Variants in DCTD observed in about 807,000 individuals in gnomAD.
The protein encoded by DCTD is deoxycytidylate deaminase.
Under a neutral mutation model 21.0 loss-of-function variants are expected in DCTD, and 23 were observed. The observed-to-expected ratio is 1.09, with a 90% confidence interval of 0.79 to 1.55. The LOEUF (loss-of-function observed/expected upper bound fraction) is 1.55, where lower values mean the gene tolerates loss of function less well. Among genes scored for constraint, DCTD ranks in the 40% most tolerant of loss-of-function variants. DCTD has a pLI of 0.00. For missense variants in DCTD, 224 were observed against 230.0 expected (o/e 0.97, Z 0.17); for synonymous variants, 71 against 81.1 (o/e 0.88, Z 0.67).
intron 3 of DCTD, among the ~76,000 whole-genome samples, chr4:182,909,067 C>T (rs1444014305): frequency 6.6e-6 from 1 of 152,118 alleles, no homozygotes; most frequent in Non-Finnish European, 1.5e-5. Flanking sequence ...CTCTTCAAAA[C>T]AAGGAGTTAT....
intron 3 of DCTD, among the ~76,000 whole-genome samples, chr4:182,895,265 C>T (rs1292978488): frequency 6.6e-6 from 1 of 152,172 alleles, no homozygotes; most frequent in Admixed American, 6.5e-5. Flanking sequence ...GAGATGGAGT[C>T]TCACTATGTT....
intron 3 of DCTD, among the ~76,000 whole-genome samples, chr4:182,902,480 C>G (rs1735911145): frequency 6.6e-6 from 1 of 152,180 alleles, no homozygotes; most frequent in Non-Finnish European, 1.5e-5. Context: ...CAGACAAGCC[C>G]CTCTTGCTCC....
intron 4 of DCTD, among the ~76,000 whole-genome samples, chr4:182,893,784 G>A (rs905659982): frequency 6.6e-6 from 1 of 152,266 alleles, no homozygotes; most frequent in Non-Finnish European, 1.5e-5. Flanking sequence ...GCGACAGCCA[G>A]GGAGCCCACG....
At chr4:182,892,028 G>C (rs2464974) in intron 5 of DCTD, among the ~76,000 whole-genome samples, 7 of 147,174 alleles carry the variant, frequency 4.8e-5, no homozygotes, top group African/African-American at 1.8e-4. Flanking sequence ...TTAAAAAGAA[G>C]ACATTTGGGA....
In DCTD at chr4:182,915,480, C is replaced by T; in HGVS notation, c.89G>A (p.Ser30Asn). ...MAVAFLSAQR[S>N]KDPNSQVGAC... ...ATTTACCTGGGAATTTGGATCTTTG[C>T]TTCTCTGTGCTGATAAGAAGGCCAC... The change falls in exon 2 of 6, where the codon AGC becomes AAC. Residue 30 changes from serine (S) to asparagine (N), a missense_variant. Ser to Asn is a conservative substitution (Grantham distance 46). Transcript: ENST00000438320. 1 of 1,609,964 alleles carries T rather than the reference C, an allele frequency of 6.2e-7. No individual in the cohort carries two copies. The highest frequency in any genetic ancestry group is 8.5e-7 in the Non-Finnish European group (1 of 1,176,218).
intron 3 of DCTD, among the ~76,000 whole-genome samples, chr4:182,896,494 C>A (rs2152855742): frequency 1.3e-5 from 2 of 152,332 alleles, no homozygotes; most frequent in Middle Eastern, 3.4e-3. Context: ...TGACCACAGC[C>A]CATCAGAGAA....
chr4:182,914,870 G>C, intron 3 of DCTD, 53 bp downstream of exon 3: 1 of 1,604,584 alleles, frequency 6.2e-7, no homozygotes, highest in Non-Finnish European at 8.5e-7. Flanking sequence ...TTCTTAATTA[G>C]GCACTCACCA....
At chr4:182,908,454 G>T (rs1211528332) in intron 3 of DCTD, among the ~76,000 whole-genome samples, 2 of 152,106 alleles carry the variant, frequency 1.3e-5, no homozygotes, top group Non-Finnish European at 2.9e-5. Context: ...GGCTGAGGCG[G>T]GTGGATCACC....
At position 182,917,315 on chromosome 4, in the gene DCTD, C is replaced by G; in HGVS notation, c.-12G>C. On this transcript the variant is annotated 5_prime_UTR_variant, in exon 1 of 6. Transcript: ENST00000438320. The surrounding 1 kb of genome is among the most constrained non-coding windows in gnomAD (Gnocchi z 4.9). ...GCACGGCTGGCCCCCGCCCACCATC[C>G]GGTGCCGGCTCCGCGCGCAGGCCGG... 3 of 1,090,134 alleles carry G rather than the reference C, an allele frequency of 2.8e-6. No individual in the cohort carries two copies. The highest frequency in any genetic ancestry group is 3.3e-6 in the Non-Finnish European group (3 of 898,686). The allele number at this position is 1,090,134 out of a possible 1,614,324, so 67.5% of individuals were successfully genotyped here. A position where few individuals can be genotyped will look rare whatever the true frequency, so the allele number is the denominator to read the frequency against.
chr4:182,906,635 T>C (rs371278608), intron 3 of DCTD, among the ~76,000 whole-genome samples: 11 of 152,234 alleles, frequency 7.2e-5, no homozygotes, highest in Admixed American at 2.6e-4. Context: ...CGTTAGTACT[T>C]ATTTTAATTC....
intron 4 of DCTD, 63 bp from the exon 5 acceptor site, chr4:182,893,190 G>A (rs182754142): frequency 5.0e-5 from 47 of 935,702 alleles, no homozygotes; most frequent in East Asian, 2.0e-4. Context: ...AAAGACAGGC[G>A]GAAGCAGCTG....
intron 3 of DCTD, among the ~76,000 whole-genome samples, chr4:182,906,327 A>T (rs1344729529): frequency 6.6e-6 from 1 of 152,130 alleles, no homozygotes; most frequent in Admixed American, 6.5e-5. Flanking sequence ...AGGAATATTC[A>T]ATCATATCTG....
intron 3 of DCTD, 67 bp downstream of exon 3, chr4:182,914,856 A>T: frequency 6.3e-7 from 1 of 1,589,214 alleles, no homozygotes. Context: ...CCTTCTGACC[A>T]ACTTTCTTAA....
chr4:182,911,908 C>T (rs1260086572), intron 3 of DCTD, among the ~76,000 whole-genome samples: 1 of 152,094 alleles, frequency 6.6e-6, no homozygotes, highest in Admixed American at 6.6e-5. Flanking sequence ...ATGCAGGGGT[C>T]CTGGAAGTTT....
intron 3 of DCTD, among the ~76,000 whole-genome samples, chr4:182,900,604 A>G (rs1579702355): frequency 6.6e-6 from 1 of 152,268 alleles, no homozygotes; most frequent in South Asian, 2.1e-4. Flanking sequence ...ATTGTAAAAA[A>G]AAAAAGAAAA....
At chr4:182,916,450 T>C in intron 1 of DCTD, 1 of 985,462 alleles carries the variant, frequency 1.0e-6, no homozygotes, top group Non-Finnish European at 1.2e-6. Context: ...GCGAGGAATG[T>C]GGTCTAAAGG....
chr4:182,909,513 G>T (rs898812067), intron 3 of DCTD, among the ~76,000 whole-genome samples: 2 of 152,236 alleles, frequency 1.3e-5, no homozygotes, highest in South Asian at 2.1e-4. Context: ...GGGAGGAGCG[G>T]CAGGAAGCTT....
At chr4:182,898,380 G>A (rs1327459694) in intron 3 of DCTD, among the ~76,000 whole-genome samples, 1 of 152,228 alleles carries the variant, frequency 6.6e-6, no homozygotes, top group Non-Finnish European at 1.5e-5. Flanking sequence ...TCGACAGGGT[G>A]GCTGAGCGCT....
intron 1 of DCTD, chr4:182,915,898 C>A: frequency 1.8e-6 from 2 of 1,102,374 alleles, no homozygotes; most frequent in Non-Finnish European, 2.2e-6. Context: ...CCTTACAAAG[C>A]GGAGTCAGCA....
Sources: gnomAD v4.1 joint callset for allele counts (sites outside exome capture counted in the v4.1 genomes callset) on GRCh38, gnomAD v4.1.1 for gene constraint, Gnocchi (gnomAD v3.1) non-coding constraint, MANE v1.5 for transcripts, NCBI Gene and HGNC (gene_info 2026-07-23, HGNC 2026-07-21) for gene names.